ADAMTS3: variants seen among roughly 807,000 people sequenced by gnomAD.
ADAMTS3 encodes the protein ADAM metallopeptidase with thrombospondin type 1 motif 3.
ADAMTS3 carries 73 observed loss-of-function variants against 129.0 expected under a neutral mutation model. That is an observed-to-expected ratio of 0.57 (90% CI 0.47 to 0.69). The LOEUF is 0.69. Ranked by LOEUF, ADAMTS3 falls within the 30% of genes least tolerant of loss-of-function variation. ADAMTS3 has a pLI of 0.00. For missense variants in ADAMTS3, 1,457 were observed against 1,514.5 expected (o/e 0.96, Z 0.63); for synonymous variants, 477 against 510.8 (o/e 0.93, Z 0.89).
chr4:72,519,202 G>C (rs1274326085), intron 3 of ADAMTS3, among the ~76,000 whole-genome samples: 1 of 152,200 alleles, frequency 6.6e-6, no homozygotes, highest in Non-Finnish European at 1.5e-5. Flanking sequence ...TCTGCCGAGA[G>C]ATCCGCTGTT....
At chr4:72,474,598 T>C (rs1719174787) in intron 3 of ADAMTS3, among the ~76,000 whole-genome samples, 1 of 152,072 alleles carries the variant, frequency 6.6e-6, no homozygotes, top group Non-Finnish European at 1.5e-5. Flanking sequence ...ACACTAATAT[T>C]CAGGTAAAGT....
chr4:72,334,399 C>T (rs1198833249), intron 5 of ADAMTS3, among the ~76,000 whole-genome samples: 4 of 152,044 alleles, frequency 2.6e-5, no homozygotes, highest in African/African-American at 9.7e-5. Context: ...GTCTACCACA[C>T]GGCAGACACT....
intron 4 of ADAMTS3, among the ~76,000 whole-genome samples, chr4:72,405,462 G>C (rs1722027974): frequency 6.6e-6 from 1 of 152,046 alleles, no homozygotes; most frequent in African/African-American, 2.4e-5. Flanking sequence ...AAAAAAAACA[G>C]ATTTGTAAGC....
chr4:72,528,498 G>T lies in ADAMTS3; in HGVS notation c.504+19980C>A, dbSNP rs1378325154. ...TACCCCATAAATATATGCAATTGTT[G>T]TTTGTCAATTAAAAGTGAAAACTAA... On this transcript the variant is annotated intron_variant, in intron 3 of 21. Coordinates refer to ENST00000286657, the MANE Select transcript of ADAMTS3 (RefSeq NM_014243.3). Among the ~76,000 whole-genome samples the T allele has an allele frequency of 2.2e-5, 3 of 137,458 alleles. No individual in the cohort carries two copies. The Admixed American group carries it at 2.3e-4, about 10-fold the overall frequency. 90.2% of individuals were successfully genotyped at this position (137,458 alleles called of 152,430 possible). A position where few individuals can be genotyped will look rare whatever the true frequency, so the allele number is the denominator to read the frequency against.
At chr4:72,444,949 C>T (rs899373495) in intron 3 of ADAMTS3, among the ~76,000 whole-genome samples, 2 of 151,430 alleles carry the variant, frequency 1.3e-5, no homozygotes, top group African/African-American at 4.8e-5. Context: ...GTAGCAAAAC[C>T]CACATATTGT....
chr4:72,480,949 C>A (rs1719417703), intron 3 of ADAMTS3, among the ~76,000 whole-genome samples: 2 of 151,848 alleles, frequency 1.3e-5, no homozygotes, highest in Admixed American at 1.3e-4. Flanking sequence ...AAATGCAGTA[C>A]TATTTACAAC....
At chr4:72,346,670 G>C (rs1720294369) in intron 4 of ADAMTS3, among the ~76,000 whole-genome samples, 3 of 152,026 alleles carry the variant, frequency 2.0e-5, no homozygotes, top group African/African-American at 7.2e-5. Context: ...ATTTTTACTA[G>C]AGATATCTCA....
At chr4:72,561,941 T>C (rs989336821) in intron 2 of ADAMTS3, among the ~76,000 whole-genome samples, 5 of 152,228 alleles carry the variant, frequency 3.3e-5, no homozygotes, top group South Asian at 2.1e-4. Flanking sequence ...GTAAACTTCT[T>C]TGGAAAATCA....
At chr4:72,400,146 GGTGT>G (rs1361040008) in intron 4 of ADAMTS3, among the ~76,000 whole-genome samples, 2 of 131,460 alleles carry the variant, frequency 1.5e-5, no homozygotes, top group African/African-American at 2.9e-5. Context: ...ATGCACACAT[GGTGT>G]GTATATATAT....
intron 3 of ADAMTS3, among the ~76,000 whole-genome samples, chr4:72,446,257 T>C (rs766558063): frequency 6.6e-6 from 1 of 151,684 alleles, no homozygotes; most frequent in Non-Finnish European, 1.5e-5. Flanking sequence ...ATCTTTTTAT[T>C]TGGGAAAAAG....
chr4:72,287,962 T>C (rs936972921), intron 21 of ADAMTS3, among the ~76,000 whole-genome samples: 5 of 152,148 alleles, frequency 3.3e-5, no homozygotes, highest in Non-Finnish European at 7.4e-5. Context: ...GTCTCCTGGG[T>C]TCAAGCAATT....
rs1288045361 is a variant in ADAMTS3 at position 72,281,951 on chromosome 4, T to C, written c.*1185A>G. 3 of 152,184 alleles carry C rather than the reference T, an allele frequency of 2.0e-5. No individual in the cohort carries two copies. Among genetic ancestry groups the C allele is most frequent in the Non-Finnish European group, 4.4e-5 (3 of 68,018 alleles). The allele number at this position is 152,184 out of a possible 1,614,324, so 9.4% of individuals were successfully genotyped here. On this transcript the variant is annotated 3_prime_UTR_variant, in exon 22 of 22. Transcript: ENST00000286657. The stretch of plus-strand genomic sequence containing the variant: ...ACTGACATAAATTATTAGCACATTA[T>C]TGCAGTCAGATGCATTGTGGTTGTG...
At chr4:72,499,930 T>A (rs1156598411) in intron 3 of ADAMTS3, among the ~76,000 whole-genome samples, 1 of 152,184 alleles carries the variant, frequency 6.6e-6, no homozygotes, top group Non-Finnish European at 1.5e-5. Flanking sequence ...TCCAGCTGCA[T>A]CTATATTCCT....
At chr4:72,429,601 G>GC (rs1722648955) in intron 3 of ADAMTS3, among the ~76,000 whole-genome samples, 3 of 152,128 alleles carry the variant, frequency 2.0e-5, no homozygotes, top group African/African-American at 7.2e-5. Context: ...ATTAGTGACT[G>GC]ATAACTATTA....
In ADAMTS3 at chr4:72,498,021, A is replaced by C. The variant is rs923318356; in HGVS notation, c.504+50457T>G. On this transcript the variant is annotated intron_variant, in intron 3 of 21. Transcript: ENST00000286657. ...CTGAAATTTGGCCCTTAGCTCTCTAAATTCTCTCTTTGTACATGCAGATGC... is the reference window on the plus strand; with the variant it reads ...CTGAAATTTGGCCCTTAGCTCTCTACATTCTCTCTTTGTACATGCAGATGC... Among the ~76,000 whole-genome samples, 10 of 152,088 alleles carry C rather than the reference A, an allele frequency of 6.6e-5. No individual in the cohort carries two copies. In the East Asian group the frequency reaches 1.9e-3, roughly 29 times the overall value.
chr4:72,508,713 A>G (rs1353842200), intron 3 of ADAMTS3, among the ~76,000 whole-genome samples: 1 of 152,070 alleles, frequency 6.6e-6, no homozygotes, highest in Non-Finnish European at 1.5e-5. Flanking sequence ...TGAGTTAACA[A>G]AAAATACGTA....
intron 3 of ADAMTS3, among the ~76,000 whole-genome samples, chr4:72,458,408 A>T (rs1560523757): frequency 1.3e-5 from 2 of 151,676 alleles, no homozygotes; most frequent in Non-Finnish European, 3.0e-5. Flanking sequence ...AAGCAAAAAA[A>T]TGCTTAGAGT....
Position 72,477,494 on chromosome 4 carries a change from G to A in ADAMTS3, c.505-62523C>T, listed in dbSNP as rs530261236. Among the ~76,000 whole-genome samples, 158 of 152,066 alleles carry A rather than the reference G, an allele frequency of 1.0e-3. 2 individuals carry two copies. In the Middle Eastern group the frequency reaches 0.02, roughly 20 times the overall value. On this transcript the variant is annotated intron_variant, in intron 3 of 21. Coordinates refer to ENST00000286657, the MANE Select transcript of ADAMTS3 (RefSeq NM_014243.3). ...AATAAAGATGTTCTTTGAAACCAACGAGAAAAAAGACACAACATACCAGAA... is the reference window on the plus strand; with the variant it reads ...AATAAAGATGTTCTTTGAAACCAACAAGAAAAAAGACACAACATACCAGAA...
intron 18 of ADAMTS3, 50 bp from the exon 19 acceptor site, chr4:72,295,836 T>G (rs749208545): frequency 6.3e-7 from 1 of 1,583,096 alleles, no homozygotes; most frequent in Non-Finnish European, 8.6e-7. Context: ...TTCATGCTGA[T>G]AGTTACTTGA....
Sources: allele counts gnomAD v4.1 joint callset (sites outside exome capture counted in the v4.1 genomes callset), GRCh38; gene constraint gnomAD v4.1.1; transcripts MANE v1.5; gene names NCBI Gene and HGNC (gene_info 2026-07-23, HGNC 2026-07-21).